The following CFLAR variants were observed in gnomAD, a reference collection of about 807,000 sequenced individuals.
The protein encoded by CFLAR is CASP8 and FADD-like apoptosis regulator.
In CFLAR, 14 loss-of-function variants were observed where a neutral mutation model predicts 51.1. The ratio of observed to expected loss-of-function variants is 0.27; its 90% CI spans 0.18 to 0.43. CFLAR has a LOEUF of 0.43. Ranked by LOEUF, CFLAR falls within the 20% of genes least tolerant of loss-of-function variation. The pLI is 1.00. For missense variants in CFLAR, 390 were observed against 566.5 expected (o/e 0.69, Z 3.16); for synonymous variants, 210 against 211.6 (o/e 0.99, Z 0.06).
rs1013908076 is a variant in CFLAR at position 201,175,246 on chromosome 2, A to G, written c.*11273A>G. The G allele has an allele frequency of 2.0e-5, 3 of 152,324 alleles. No individual in the cohort carries two copies. Among genetic ancestry groups the G allele is most frequent in the African/African-American group, 7.2e-5 (3 of 41,564 alleles). 9.4% of individuals were successfully genotyped at this position (152,324 alleles called of 1,614,324 possible). A position where few individuals can be genotyped will look rare whatever the true frequency, so the allele number is the denominator to read the frequency against. ...CTTGCTTTCACTTTATTCTGTCAGC[A>G]TGCTCTTGAATTCTTTCCTGAACCC... On this transcript the variant is annotated 3_prime_UTR_variant, in exon 10 of 10. Coordinates refer to ENST00000309955, the MANE Select transcript of CFLAR (RefSeq NM_003879.7).
Position 201,145,406 on chromosome 2 carries a change from G to A in CFLAR, c.635G>A (p.Arg212Lys). ...CATAATGGGAGAAGTAAAGAACAAA[G>A]ACTTAAGGAACAGCTTGGCGCTCAA... ...RLHNGRSKEQRLKEQLGAQQE... is the reference protein window; with the variant it reads ...RLHNGRSKEQKLKEQLGAQQE... Residue 212 changes from arginine to lysine, a missense_variant, in exon 6 of 10, where the codon AGA becomes AAA. Arg to Lys is a conservative substitution (Grantham distance 26). Around this residue, in one of 2 missense-constraint regions of CFLAR, gnomAD observed 287 missense variants for 363.6 expected, o/e 0.79. Transcript: ENST00000309955. 1 of 1,607,986 alleles carries A rather than the reference G, an allele frequency of 6.2e-7. No homozygotes were observed. Among genetic ancestry groups the A allele is most frequent in the Non-Finnish European group, 8.5e-7 (1 of 1,175,108 alleles).
chr2:201,126,805 T>G (rs769446328), intron 1 of CFLAR, among the ~76,000 whole-genome samples: 4 of 152,206 alleles, frequency 2.6e-5, no homozygotes, highest in Non-Finnish European at 2.9e-5. Context: ...GCCTGGAATA[T>G]TTCTGTTTCC....
intron 6 of CFLAR, 86 bp downstream of exon 6, chr2:201,145,518 C>A: frequency 1.2e-6 from 1 of 857,540 alleles, no homozygotes. Flanking sequence ...TTGGTCATTT[C>A]CTTTATCTAC....
chr2:201,139,242 G>C (rs537544571), intron 4 of CFLAR: 10 of 339,922 alleles, frequency 2.9e-5, no homozygotes, highest in African/African-American at 6.5e-5. Context: ...CAGCGTGCTC[G>C]TTAAGAGTCA....
At chr2:201,145,458 A>G (rs764442521) in intron 6 of CFLAR, 26 bp downstream of exon 6, 34 of 1,452,914 alleles carry the variant, frequency 2.3e-5, no homozygotes, top group Non-Finnish European at 3.1e-5. Context: ...TTTAATATTC[A>G]TTATTTATAA....
intron 8 of CFLAR, among the ~76,000 whole-genome samples, chr2:201,153,903 C>CTTTTTT (rs747813572): frequency 3.4e-4 from 35 of 103,024 alleles, no homozygotes; most frequent in South Asian, 6.0e-4. Flanking sequence ...TCTTTTCTTT[C>CTTTTTT]TTTTTTTTTT....
intron 6 of CFLAR, 29 bp from the exon 7 acceptor site, chr2:201,148,974 G>A: frequency 6.3e-7 from 1 of 1,580,462 alleles, no homozygotes; most frequent in Non-Finnish European, 8.7e-7. Flanking sequence ...CTTCAGCTTT[G>A]TAAATGGTTT....
chr2:201,152,441 C>T (rs1162056003), intron 8 of CFLAR, among the ~76,000 whole-genome samples: 1 of 152,124 alleles, frequency 6.6e-6, no homozygotes, highest in Non-Finnish European at 1.5e-5. Context: ...AGAGTTCATA[C>T]TTGGAAAGGG....
In CFLAR at chr2:201,166,940, G is replaced by GAGGGAGACCGTGGAAAGAGAGAGAA. The variant is rs1943654291; in HGVS notation, c.*2980_*2981insAAAGAGAGAGAAAGGGAGACCGTGG. ...ACAGTCCAGCTTCGGCTCGGCATCA[G>GAGGGAGACCGTGGAAAGAGAGAGAA]AGGGAGACCGTGGGGAGAGGGAGAA... On this transcript the variant is annotated 3_prime_UTR_variant, in exon 10 of 10. Transcript: ENST00000309955. The GAGGGAGACCGTGGAAAGAGAGAGAA allele has an allele frequency of 6.6e-6, 1 of 151,912 alleles. No homozygotes were observed. Among genetic ancestry groups the GAGGGAGACCGTGGAAAGAGAGAGAA allele is most frequent in the Non-Finnish European group, 1.5e-5 (1 of 67,908 alleles). The allele number at this position is 151,912 out of a possible 1,614,324, so 9.4% of individuals were successfully genotyped here.
rs772485229 is a variant in CFLAR, at chr2:201,149,834, A to G, written c.792A>G (p.Thr264=). The change falls in exon 8 of 10, where the codon ACA becomes ACG. Residue 264 remains threonine, a splice_region_variant and synonymous_variant. Coordinates refer to ENST00000309955, the MANE Select transcript of CFLAR (RefSeq NM_003879.7). The part of the protein sequence containing the change: ...CLIIDCIGNE[T]ELLRDTFTSL... ...TAATCGATTGCATTGGCAATGAGAC[A>G]GGTAGGTGTGGAAGCTGCAGATTAA... 2 of 1,611,650 alleles carry G rather than the reference A, an allele frequency of 1.2e-6. No homozygotes were observed. The highest frequency in any genetic ancestry group is 1.7e-5 in the Admixed American group (1 of 59,998).
At chr2:201,145,663 C>A in intron 6 of CFLAR, 1 of 456,936 alleles carries the variant, frequency 2.2e-6, no homozygotes, top group Non-Finnish European at 3.9e-6. Flanking sequence ...TCATCTTGGC[C>A]GTATGTTAAG....
rs1260487483 is a variant in CFLAR at position 201,175,268 on chromosome 2, AC to A, written c.*11298del. 6.6e-6 allele frequency: 1 copy of A among 152,064 alleles called. No homozygotes were observed. Among genetic ancestry groups the A allele is most frequent in the East Asian group, 1.9e-4 (1 of 5,184 alleles). The allele number at this position is 152,064 out of a possible 1,614,324, so 9.4% of individuals were successfully genotyped here. On this transcript the variant is annotated 3_prime_UTR_variant, in exon 10 of 10. Coordinates refer to ENST00000309955, the MANE Select transcript of CFLAR (RefSeq NM_003879.7). ...AGCATGCTCTTGAATTCTTTCCTGA[AC>A]CCACTTGACCTCTTGGGCTGAGCCT...
chr2:201,134,631 T>C (rs2049843647), intron 3 of CFLAR, among the ~76,000 whole-genome samples: 1 of 145,754 alleles, frequency 6.9e-6, no homozygotes, highest in African/African-American at 2.6e-5. Flanking sequence ...CCAGACTCCA[T>C]CTCAAAAATT....
rs1274437432 is a variant in CFLAR, at chr2:201,125,427, A to G, written c.-137-4302A>G. Among the ~76,000 whole-genome samples the G allele has an allele frequency of 2.0e-5, 3 of 152,264 alleles. No individual in the cohort carries two copies. The South Asian group carries it at 6.2e-4, about 32-fold the overall frequency. On this transcript the variant is annotated intron_variant, in intron 1 of 9. Transcript: ENST00000309955. The stretch of plus-strand genomic sequence containing the variant: ...GTTTGGCTTTATTTTTTAAGATGGA[A>G]GAGACTTGCACATGTTTACAAGCTG...
chr2:201,126,612 A>G (rs1253517579), intron 1 of CFLAR, among the ~76,000 whole-genome samples: 1 of 152,200 alleles, frequency 6.6e-6, no homozygotes, highest in Admixed American at 6.5e-5. Flanking sequence ...CTGGGTCTCC[A>G]CTGTCAGAGG....
chr2:201,161,738 C>CTTTTTTTT (rs3044256), intron 9 of CFLAR, among the ~76,000 whole-genome samples: 1 of 101,270 alleles, frequency 9.9e-6, no homozygotes, highest in African/African-American at 3.7e-5. Context: ...TTTAATTTTT[C>CTTTTTTTT]TTTTTTTTTT....
rs1475402054 is a variant in CFLAR at position 201,170,732 on chromosome 2, T to C, written c.*6759T>C. On this transcript the variant is annotated 3_prime_UTR_variant, in exon 10 of 10. Coordinates refer to ENST00000309955, the MANE Select transcript of CFLAR (RefSeq NM_003879.7). Reference sequence around the variant, plus strand: ...TTTGTATGTGTTCATGTATAGCTTTTACATGATTGGAATCATAATGCATAT... The same window carrying C: ...TTTGTATGTGTTCATGTATAGCTTTCACATGATTGGAATCATAATGCATAT... 4 of 152,238 alleles carry C rather than the reference T, an allele frequency of 2.6e-5. No homozygotes were observed. Among genetic ancestry groups the C allele is most frequent in the Non-Finnish European group, 5.9e-5 (4 of 68,028 alleles). 9.4% of individuals were successfully genotyped at this position (152,238 alleles called of 1,614,324 possible).
chr2:201,148,699 TC>T (rs2125844441), intron 6 of CFLAR: 1 of 314,386 alleles, frequency 3.2e-6, no homozygotes, highest in East Asian at 6.3e-5. Flanking sequence ...GATTCTCCTA[TC>T]AAGTTAAAAA....
Position 201,138,815 on chromosome 2 carries a change from C to A in CFLAR, c.524-1542C>A. On this transcript the variant is annotated intron_variant, in intron 4 of 9. Transcript: ENST00000309955. The surrounding 1 kb of genome is among the most constrained non-coding windows in gnomAD (Gnocchi z 4.0). ...AACCAGTACCTCCCATCAGAGCCAT[C>A]ACGATGGCCAGGTCGGCCTCTGTCA... is the stretch of plus-strand genomic sequence containing the variant. 1 of 752,808 alleles carries A rather than the reference C, an allele frequency of 1.3e-6. No individual in the cohort carries two copies. The highest frequency in any genetic ancestry group is 1.3e-5 in the South Asian group (1 of 74,396). The allele number at this position is 752,808 out of a possible 1,614,324, so 46.6% of individuals were successfully genotyped here.
Sources: allele counts gnomAD v4.1 joint callset (sites outside exome capture counted in the v4.1 genomes callset), GRCh38; gene constraint gnomAD v4.1.1; regional missense constraint gnomAD v4.1.1; non-coding constraint Gnocchi (gnomAD v3.1); transcripts MANE v1.5; gene names NCBI Gene and HGNC (gene_info 2026-07-23, HGNC 2026-07-21).